CADPS2: variants seen among roughly 807,000 people sequenced by gnomAD.
CADPS2 encodes the protein calcium-dependent secretion activator 2.
Under a neutral mutation model 172.5 loss-of-function variants are expected in CADPS2, and 93 were observed. The observed-to-expected ratio is 0.54, with a 90% CI of 0.46 to 0.64. CADPS2 has a LOEUF of 0.64. CADPS2 is among the 30% of genes least tolerant of loss of function. CADPS2 has a pLI of 0.00. For synonymous variants in CADPS2, 546 were observed against 555.2 expected (o/e 0.98, Z 0.23); for missense variants, 1,420 against 1,565.9 (o/e 0.91, Z 1.57).
chr7:122,701,886 G>A (rs2086158695), intron 2 of CADPS2: 1 of 1,613,424 alleles, frequency 6.2e-7, no homozygotes, highest in Non-Finnish European at 8.5e-7. Flanking sequence ...TGGGCTAAAA[G>A]CCAGGGGTCA....
intron 1 of CADPS2, among the ~76,000 whole-genome samples, chr7:122,813,039 C>G (rs17684127): frequency 0.016 from 2,364 of 152,224 alleles, 23 homozygotes; most frequent in Non-Finnish European, 0.024. Flanking sequence ...GCAGGAAAAG[C>G]CTCAATAACA....
At chr7:122,860,906 G>T (rs934621735) in intron 1 of CADPS2, among the ~76,000 whole-genome samples, 1 of 152,266 alleles carries the variant, frequency 6.6e-6, no homozygotes, top group Admixed American at 6.5e-5. Flanking sequence ...ACAAATGACA[G>T]AATTTCATTC....
At chr7:122,875,324 C>A (rs1487497991) in intron 1 of CADPS2, among the ~76,000 whole-genome samples, 1 of 152,032 alleles carries the variant, frequency 6.6e-6, no homozygotes, top group African/African-American at 2.4e-5. Flanking sequence ...GTGGATCAAA[C>A]GAAGTTAATT....
chr7:122,435,412 C>T (rs1012187744), intron 17 of CADPS2, among the ~76,000 whole-genome samples: 1 of 152,088 alleles, frequency 6.6e-6, no homozygotes, highest in African/African-American at 2.4e-5. Flanking sequence ...AGGTGCTCAA[C>T]ATCACTAATC....
chr7:122,485,699 C>T (rs1220865041), intron 11 of CADPS2, among the ~76,000 whole-genome samples: 1 of 152,164 alleles, frequency 6.6e-6, no homozygotes, highest in Non-Finnish European at 1.5e-5. Flanking sequence ...GTTAGCTATG[C>T]TAAATAACAG....
intron 2 of CADPS2, among the ~76,000 whole-genome samples, chr7:122,696,759 C>T (rs2058444): frequency 0.99 from 151,316 of 152,292 alleles, 75,179 homozygotes; most frequent in Non-Finnish European, 1. Flanking sequence ...GAGTGAAAAA[C>T]TTCAAAATTT....
At chr7:122,584,574 G>T (rs1287202417) in intron 6 of CADPS2, among the ~76,000 whole-genome samples, 2 of 151,658 alleles carry the variant, frequency 1.3e-5, no homozygotes, top group Admixed American at 6.6e-5. Flanking sequence ...ATTGCATTCT[G>T]CTCTTTGCTA....
At chr7:122,450,519 G>C (rs1457996362) in intron 15 of CADPS2, among the ~76,000 whole-genome samples, 1 of 135,212 alleles carries the variant, frequency 7.4e-6, no homozygotes, top group Non-Finnish European at 1.6e-5. Context: ...AGTATTGGTG[G>C]CCTTTTTTTT....
intron 1 of CADPS2, among the ~76,000 whole-genome samples, chr7:122,745,822 T>C (rs2092698962): frequency 6.6e-6 from 1 of 151,984 alleles, no homozygotes; most frequent in African/African-American, 2.4e-5. Context: ...TAATAAAAAT[T>C]CCAGATAATT....
chr7:122,590,999 C>T (rs909431039), intron 6 of CADPS2, among the ~76,000 whole-genome samples: 3 of 151,878 alleles, frequency 2.0e-5, no homozygotes, highest in African/African-American at 4.8e-5. Context: ...TAACTTATCA[C>T]CATCATTGTT....
intron 1 of CADPS2, among the ~76,000 whole-genome samples, chr7:122,813,874 A>G (rs1800659413): frequency 6.6e-6 from 1 of 152,054 alleles, no homozygotes; most frequent in Non-Finnish European, 1.5e-5. Context: ...ATGCTGAACA[A>G]ATAAATAAGT....
At chr7:122,521,390 T>C (rs995796540) in intron 8 of CADPS2, among the ~76,000 whole-genome samples, 1 of 151,330 alleles carries the variant, frequency 6.6e-6, no homozygotes, top group Non-Finnish European at 1.5e-5. Flanking sequence ...TCCCTACAAG[T>C]TCTCTGCTGC....
At chr7:122,539,777 TTC>T (rs1485344194) in intron 8 of CADPS2, among the ~76,000 whole-genome samples, 4 of 94,092 alleles carry the variant, frequency 4.3e-5, no homozygotes, top group African/African-American at 1.4e-4. Flanking sequence ...GTCTCTCTCT[TTC>T]TGTTTCTCTC....
chr7:122,443,589 TA>T (rs2051667402), intron 15 of CADPS2, among the ~76,000 whole-genome samples: 1 of 139,998 alleles, frequency 7.1e-6, no homozygotes, highest in Non-Finnish European at 1.6e-5. Flanking sequence ...TTAAATACAG[TA>T]TTTTTTTTTT....
At chr7:122,797,481 A>T (rs546143261) in intron 1 of CADPS2, among the ~76,000 whole-genome samples, 6 of 152,354 alleles carry the variant, frequency 3.9e-5, no homozygotes, top group Admixed American at 1.3e-4. Context: ...GATAGAGAAA[A>T]TGTGGTACAT....
chr7:122,874,348 G>T (rs369244978), intron 1 of CADPS2, among the ~76,000 whole-genome samples: 32 of 152,192 alleles, frequency 2.1e-4, no homozygotes, highest in African/African-American at 7.5e-4. Flanking sequence ...ACCTCTTCAA[G>T]GAGAACTACA....
chr7:122,415,284 T>C (rs1358430430), intron 18 of CADPS2, among the ~76,000 whole-genome samples: 1 of 152,172 alleles, frequency 6.6e-6, no homozygotes, highest in East Asian at 1.9e-4. Context: ...AATTTTCCCC[T>C]TCCACGTTAA....
intron 8 of CADPS2, among the ~76,000 whole-genome samples, chr7:122,538,063 C>A (rs1047208727): frequency 6.6e-6 from 1 of 151,206 alleles, no homozygotes; most frequent in African/African-American, 2.4e-5. Context: ...TACCTCCAAC[C>A]GAAGTTTCCA....
At chr7:122,356,139 C>A (rs2039371507) in intron 27 of CADPS2, among the ~76,000 whole-genome samples, 1 of 152,098 alleles carries the variant, frequency 6.6e-6, no homozygotes, top group Non-Finnish European at 1.5e-5. Flanking sequence ...TCCTTTTTCT[C>A]TTCCATGATA....
Sources: gnomAD v4.1 joint callset for allele counts (sites outside exome capture counted in the v4.1 genomes callset) on GRCh38, gnomAD v4.1.1 for gene constraint, MANE v1.5 for transcripts, NCBI Gene and HGNC (gene_info 2026-07-23, HGNC 2026-07-21) for gene names.